MTX2: variants seen among roughly 807,000 people sequenced by gnomAD.
MTX2 encodes the protein metaxin 2, also known as metaxin-2.
Under a neutral mutation model 42.3 loss-of-function variants are expected in MTX2, and 35 were observed. The observed-to-expected ratio is 0.83, with a 90% CI of 0.63 to 1.10. MTX2 has a LOEUF of 1.10. Among genes scored for constraint, MTX2 ranks in the 50% least tolerant of loss-of-function variants. MTX2 has a pLI of 0.00. For synonymous variants in MTX2, 119 were observed against 100.9 expected (o/e 1.18, Z -1.08); for missense variants, 307 against 304.1 (o/e 1.01, Z -0.07).
intron 3 of MTX2, among the ~76,000 whole-genome samples, chr2:176,306,115 C>T (rs993863453): frequency 6.6e-5 from 10 of 151,716 alleles, no homozygotes; most frequent in African/African-American, 1.7e-4. Flanking sequence ...TGCCCTGTGT[C>T]GAAGTGATCT....
At chr2:176,294,160 T>G (rs538178339) in intron 1 of MTX2, among the ~76,000 whole-genome samples, 1 of 152,316 alleles carries the variant, frequency 6.6e-6, no homozygotes, top group African/African-American at 2.4e-5. Flanking sequence ...TTTTGGTATT[T>G]GTAGGAAGCT....
intron 1 of MTX2, among the ~76,000 whole-genome samples, chr2:176,280,583 T>G (rs1375003022): frequency 6.6e-6 from 1 of 152,186 alleles, no homozygotes; most frequent in South Asian, 2.1e-4. Flanking sequence ...TTTGTGTCTT[T>G]CCACAAGGTC....
intron 1 of MTX2, among the ~76,000 whole-genome samples, chr2:176,295,155 A>G (rs1683828763): frequency 6.6e-6 from 1 of 152,178 alleles, no homozygotes; most frequent in Admixed American, 6.5e-5. Flanking sequence ...CTGTGCCTCC[A>G]AGGAACTTGA....
Position 176,323,595 on chromosome 2 carries a change from T to G in MTX2, c.208+131T>G, listed in dbSNP as rs1319211699. On this transcript the variant is annotated intron_variant, in intron 4 of 9. Coordinates refer to ENST00000249442, the MANE Select transcript of MTX2 (RefSeq NM_006554.5). The stretch of plus-strand genomic sequence containing the variant: ...CCCTTTGAAGAATCTTTCCATGGTT[T>G]TAGAAAGTAACAATTGCAAATTTGA... The G allele has an allele frequency of 6.1e-6, 5 of 816,828 alleles. No individual in the cohort carries two copies. In the African/African-American group the frequency reaches 8.6e-5, roughly 14 times the overall value. The allele number at this position is 816,828 out of a possible 1,614,324, so 50.6% of individuals were successfully genotyped here.
intron 5 of MTX2, 67 bp downstream of exon 5, chr2:176,326,968 A>G (rs1319493969): frequency 1.1e-6 from 1 of 917,404 alleles, no homozygotes; most frequent in Non-Finnish European, 1.6e-6. Flanking sequence ...AATGTGTCTT[A>G]ACATTTACAT....
rs79014881 is a variant in MTX2, at chr2:176,275,044, G to A, written c.40+5375G>A. Among the ~76,000 whole-genome samples, 493 of 152,260 alleles carry A rather than the reference G, an allele frequency of 3.2e-3. 6 individuals carry two copies. The East Asian group carries it at 0.036, about 11-fold the overall frequency. ...CTGATGTGTCCCAAAGCCATCACAC[G>A]TGTGTGTGATTTTTGTCTGTTGTAA... On this transcript the variant is annotated intron_variant, in intron 1 of 9. Coordinates refer to ENST00000249442, the MANE Select transcript of MTX2 (RefSeq NM_006554.5).
chr2:176,324,795 A>C (rs553009873), intron 4 of MTX2, among the ~76,000 whole-genome samples: 1 of 151,886 alleles, frequency 6.6e-6, no homozygotes, highest in Admixed American at 6.6e-5. Context: ...AAAAATATAC[A>C]TTCTTTCATA....
rs543138964 is a variant in MTX2, at chr2:176,326,880, A to G, written c.264A>G (p.Ile88Met). 37 of 1,569,156 alleles carry G rather than the reference A, an allele frequency of 2.4e-5. No individual in the cohort carries two copies. The South Asian group carries it at 4.0e-4, about 17-fold the overall frequency. Residue 88 changes from isoleucine to methionine, a missense_variant, in exon 5 of 10, where the codon ATA (isoleucine) becomes ATG (methionine). Ile to Met is a conservative substitution (Grantham distance 10, BLOSUM62 1). Coordinates refer to ENST00000249442, the MANE Select transcript of MTX2 (RefSeq NM_006554.5). The part of the protein sequence containing the change: ...GNQVVSELGP[I>M]VQFVKAKGHS... ...AAGTAGTATCAGAACTTGGTCCAAT[A>G]GTCCAATTTGTTAAAGCCAAGGTAA... is the stretch of plus-strand genomic sequence containing the variant.
chr2:176,277,857 A>G (rs556290576), intron 1 of MTX2, among the ~76,000 whole-genome samples: 1 of 152,186 alleles, frequency 6.6e-6, no homozygotes, highest in South Asian at 2.1e-4. Context: ...TATTAGTCAT[A>G]TGAATAATCT....
intron 8 of MTX2, among the ~76,000 whole-genome samples, chr2:176,329,946 A>T (rs1684817729): frequency 6.6e-6 from 1 of 150,868 alleles, no homozygotes; most frequent in Non-Finnish European, 1.5e-5. Context: ...TTTGCTACTA[A>T]AGTAGCAAAA....
intron 1 of MTX2, among the ~76,000 whole-genome samples, chr2:176,280,097 C>A (rs1354346125): frequency 6.6e-6 from 1 of 152,100 alleles, no homozygotes; most frequent in African/African-American, 2.4e-5. Context: ...CCATTTAGGT[C>A]AGTTTTTAAA....
intron 4 of MTX2, among the ~76,000 whole-genome samples, chr2:176,325,508 G>A (rs977929715): frequency 1.3e-5 from 2 of 151,402 alleles, no homozygotes; most frequent in Admixed American, 6.6e-5. Context: ...AATTGACAAC[G>A]CTCAATGTAT....
chr2:176,320,726 G>A (rs944357152), intron 3 of MTX2, among the ~76,000 whole-genome samples: 5 of 137,848 alleles, frequency 3.6e-5, no homozygotes, highest in African/African-American at 1.4e-4. Context: ...ACAGGGTCTT[G>A]TTGTATTGCC....
chr2:176,329,007 G>T (rs955875450), intron 7 of MTX2, 95 bp downstream of exon 7: 8 of 1,148,764 alleles, frequency 7.0e-6, no homozygotes, highest in Non-Finnish European at 1.0e-5. Flanking sequence ...GAAACATTGT[G>T]GTTTATACCA....
intron 8 of MTX2, among the ~76,000 whole-genome samples, chr2:176,329,987 C>G (rs1553475580): frequency 6.6e-6 from 1 of 150,990 alleles, no homozygotes; most frequent in Non-Finnish European, 1.5e-5. Context: ...CCACAAGCAT[C>G]ATTAAGTTAA....
Position 176,297,877 on chromosome 2 carries a change from A to G in MTX2, c.117A>G (p.Ala39=). The G allele has an allele frequency of 6.4e-7, 1 of 1,560,702 alleles. No individual in the cohort carries two copies. The highest frequency in any genetic ancestry group is 8.7e-7 in the Non-Finnish European group (1 of 1,150,352). ...AGCAAATTTTACTTTCTGACAATGCAGCTTCTCTTGCAGTGCAGGTAAATA... is the reference window on the plus strand; with the variant it reads ...AGCAAATTTTACTTTCTGACAATGCGGCTTCTCTTGCAGTGCAGGTAAATA... ...KGEQILLSDN[A]ASLAVQAFLQ... is the part of the protein sequence containing the mutation. Residue 39 remains alanine, a synonymous_variant, in exon 3 of 10, where the codon GCA becomes GCG. Coordinates refer to ENST00000249442, the MANE Select transcript of MTX2 (RefSeq NM_006554.5).
intron 3 of MTX2, among the ~76,000 whole-genome samples, chr2:176,311,905 C>T (rs1039364994): frequency 1.3e-5 from 2 of 152,208 alleles, no homozygotes; most frequent in African/African-American, 2.4e-5. Context: ...CCATGGGCTG[C>T]ACCCACTGCC....
chr2:176,270,906 C>CTGAT (rs1692790564), intron 1 of MTX2, among the ~76,000 whole-genome samples: 2 of 152,010 alleles, frequency 1.3e-5, no homozygotes, highest in African/African-American at 4.8e-5. Context: ...TCTGCTTTTA[C>CTGAT]CATTTATGTT....
intron 5 of MTX2, 87 bp from the exon 6 acceptor site, chr2:176,328,206 C>G (rs150089707): frequency 6.2e-4 from 448 of 723,350 alleles, no homozygotes; most frequent in African/African-American, 5.1e-3. Flanking sequence ...TGTATAGTTG[C>G]ATGTTACGTT....
Sources: gnomAD v4.1 joint callset for allele counts (sites outside exome capture counted in the v4.1 genomes callset) on GRCh38, gnomAD v4.1.1 for gene constraint, MANE v1.5 for transcripts, NCBI Gene and HGNC (gene_info 2026-07-23, HGNC 2026-07-21) for gene names.